Variants in NRXN1 observed in about 807,000 individuals in gnomAD.
The protein encoded by NRXN1 is neurexin-1.
A neutral mutation model predicts 150.9 loss-of-function variants in NRXN1; 39 were observed. That is an observed-to-expected ratio of 0.26 (90% CI 0.20 to 0.34). The LOEUF is 0.34. NRXN1 is among the 10% of genes least tolerant of loss of function. The pLI is 1.00. For missense variants in NRXN1, 1,815 were observed against 1,949.9 expected, an observed-to-expected ratio of 0.93 and a Z score of 1.30; for synonymous variants, 924 against 757.0, an observed-to-expected ratio of 1.22 and a Z score of -3.62.
At chr2:50,474,361 C>A (rs1558794049) in intron 15 of NRXN1, among the ~76,000 whole-genome samples, 1 of 151,750 alleles carries the variant, frequency 6.6e-6, no homozygotes, top group Non-Finnish European at 1.5e-5. Flanking sequence ...CTTTCCTACT[C>A]CTCTTTCAGT....
intron 21 of NRXN1, among the ~76,000 whole-genome samples, chr2:50,043,189 T>G (rs1558756523): frequency 6.6e-6 from 1 of 152,164 alleles, no homozygotes. Flanking sequence ...TATAAGATAA[T>G]TGACAAAGTT....
intron 5 of NRXN1, among the ~76,000 whole-genome samples, chr2:50,681,547 T>C (rs1461290134): frequency 6.6e-6 from 1 of 152,168 alleles, no homozygotes; most frequent in Non-Finnish European, 1.5e-5. Context: ...AAAGGGCTTG[T>C]AATTAGTATT....
intron 17 of NRXN1, among the ~76,000 whole-genome samples, chr2:50,280,113 C>A (rs994801596): frequency 2.0e-5 from 3 of 151,778 alleles, no homozygotes; most frequent in Admixed American, 6.6e-5. Context: ...CTCGTCTCTA[C>A]TAAAAATACA....
At chr2:50,608,227 A>C (rs1449840079) in intron 8 of NRXN1, among the ~76,000 whole-genome samples, 1 of 152,242 alleles carries the variant, frequency 6.6e-6, no homozygotes, top group Non-Finnish European at 1.5e-5. Context: ...TTCGTGATCC[A>C]TAAAATAATT....
At chr2:50,695,654 A>C (rs1439138466) in intron 5 of NRXN1, among the ~76,000 whole-genome samples, 1 of 152,206 alleles carries the variant, frequency 6.6e-6, no homozygotes, top group African/African-American at 2.4e-5. Context: ...GAAATATGTT[A>C]ATAGTTCTAA....
intron 8 of NRXN1, among the ~76,000 whole-genome samples, chr2:50,594,416 A>G (rs956569244): frequency 6.6e-6 from 1 of 152,174 alleles, no homozygotes; most frequent in Non-Finnish European, 1.5e-5. Flanking sequence ...GCACATCAGC[A>G]CTGTCGGGGA....
chr2:50,228,820 T>C (rs1465605804), intron 18 of NRXN1, among the ~76,000 whole-genome samples: 1 of 151,974 alleles, frequency 6.6e-6, no homozygotes, highest in Non-Finnish European at 1.5e-5. Context: ...AGAAGCCTAG[T>C]TGCAGTGTGA....
At chr2:50,038,393 A>G (rs2152574314) in intron 21 of NRXN1, among the ~76,000 whole-genome samples, 1 of 152,282 alleles carries the variant, frequency 6.6e-6, no homozygotes, top group African/African-American at 2.4e-5. Flanking sequence ...TCTGTCCTGG[A>G]AGAAAAGTAA....
At chr2:50,775,229 A>G (rs1703465186) in intron 5 of NRXN1, among the ~76,000 whole-genome samples, 1 of 152,108 alleles carries the variant, frequency 6.6e-6, no homozygotes, top group Admixed American at 6.6e-5. Flanking sequence ...CAGCATTCCC[A>G]GTTGAATATG....
intron 19 of NRXN1, among the ~76,000 whole-genome samples, chr2:50,088,490 C>T (rs1699107136): frequency 6.6e-6 from 1 of 152,144 alleles, no homozygotes; most frequent in Admixed American, 6.5e-5. Flanking sequence ...GTATATCCTT[C>T]AGAATAATTG....
intron 15 of NRXN1, among the ~76,000 whole-genome samples, chr2:50,479,259 C>T (rs2104767474): frequency 6.6e-6 from 1 of 152,288 alleles, no homozygotes; most frequent in Non-Finnish European, 1.5e-5. Flanking sequence ...TCTGCATTTT[C>T]CCACTGCTCC....
intron 5 of NRXN1, among the ~76,000 whole-genome samples, chr2:50,655,487 T>A (rs941778141): frequency 6.6e-6 from 1 of 151,988 alleles, no homozygotes; most frequent in African/African-American, 2.4e-5. Flanking sequence ...TCTGACAAGG[T>A]TGCTGTGCTT....
chr2:50,925,945 A>G lies in NRXN1; in HGVS notation c.783T>C (p.Asn261=), dbSNP rs1160966058. ...RGKDCSQEDN[N]VEGLAHLMMG... ...AAGGTAGAAAGCACCCACCTTCCAC[A>G]TTGTTGTCTTCTGAAAGCACATGAC... The change falls in exon 3 of 23, where the codon AAT becomes AAC. Residue 261 remains asparagine (N), a synonymous_variant. Coordinates refer to ENST00000401669, the MANE Select transcript of NRXN1 (RefSeq NM_001330078.2). 1.9e-6 allele frequency: 3 copies of G among 1,574,748 alleles called. No individual in the cohort carries two copies. The highest frequency in any genetic ancestry group is 1.3e-5 in the African/African-American group (1 of 74,108).
At chr2:51,025,954 T>C (rs1670376972) in intron 2 of NRXN1, among the ~76,000 whole-genome samples, 1 of 152,116 alleles carries the variant, frequency 6.6e-6, no homozygotes, top group Non-Finnish European at 1.5e-5. Flanking sequence ...AGCCCTTTCT[T>C]TCTTCCCCTC....
chr2:50,414,536 G>T (rs1377711779), intron 17 of NRXN1, among the ~76,000 whole-genome samples: 1 of 151,454 alleles, frequency 6.6e-6, no homozygotes, highest in African/African-American at 2.4e-5. Flanking sequence ...AAACAAACAA[G>T]ATATAAAATA....
chr2:50,795,725 T>C (rs1351964915), intron 5 of NRXN1, among the ~76,000 whole-genome samples: 2 of 152,156 alleles, frequency 1.3e-5, no homozygotes, highest in South Asian at 2.1e-4. Flanking sequence ...ACTTATGAAC[T>C]CACTTTTATT....
chr2:50,084,704 C>T lies in NRXN1; in HGVS notation c.3718+6619G>A, dbSNP rs372892612. 1.6e-4 allele frequency among the ~76,000 whole-genome samples: 25 copies of T among 152,246 alleles called. No homozygotes were observed. The South Asian group carries it at 5.2e-3, about 32-fold the overall frequency. On this transcript the variant is annotated intron_variant, in intron 19 of 22. Transcript: ENST00000401669. ...CTCCTCAAGCGTGGCTGAATGGGCG[C>T]CGAGGCCGAGGAGGCACCGAGAGCG...
At chr2:50,409,035 G>T (rs775250145) in intron 17 of NRXN1, among the ~76,000 whole-genome samples, 1 of 152,236 alleles carries the variant, frequency 6.6e-6, no homozygotes, top group Non-Finnish European at 1.5e-5. Context: ...TTTTCAAGGG[G>T]AGGGGAGGGT....
chr2:50,560,325 G>A (rs754478764), intron 8 of NRXN1, among the ~76,000 whole-genome samples: 5 of 152,272 alleles, frequency 3.3e-5, no homozygotes, highest in African/African-American at 4.8e-5. Flanking sequence ...TGGGCATCCA[G>A]TACAGTACCT....
Sources: allele counts gnomAD v4.1 joint callset (sites outside exome capture counted in the v4.1 genomes callset), GRCh38; gene constraint gnomAD v4.1.1; transcripts MANE v1.5; gene names NCBI Gene and HGNC (gene_info 2026-07-23, HGNC 2026-07-21).